The following SLC35F4 variants were observed in gnomAD, a reference collection of about 807,000 sequenced individuals.
SLC35F4 encodes chromosome 14 open reading frame 36.
In SLC35F4, 24 loss-of-function variants were observed where a neutral mutation model predicts 44.2. The observed-to-expected ratio is 0.54, with a 90% CI of 0.39 to 0.76. The LOEUF (loss-of-function observed/expected upper bound fraction) is 0.76, where lower values mean the gene tolerates loss of function less well. Ranked by LOEUF, SLC35F4 falls within the 30% of genes least tolerant of loss-of-function variation. SLC35F4 has a pLI of 0.00. For missense variants in SLC35F4, 562 were observed against 586.1 expected (o/e 0.96, Z 0.42); for synonymous variants, 238 against 223.6 (o/e 1.06, Z -0.57).
Position 57,817,804 on chromosome 14 carries a change from A to G in SLC35F4, c.103+47919T>C, listed in dbSNP as rs375517192. Among the ~76,000 whole-genome samples, 12 of 152,272 alleles carry G rather than the reference A, an allele frequency of 7.9e-5. No homozygotes were observed. The East Asian group carries it at 2.3e-3, about 29-fold the overall frequency. ...ATGGCCTACAGTGAACGAGGCAGAG[A>G]TTATGGAATTGTCTCAGCAGAGTAT... On this transcript the variant is annotated intron_variant, in intron 1 of 7. Transcript: ENST00000556826.
intron 1 of SLC35F4, among the ~76,000 whole-genome samples, chr14:57,879,543 C>G (rs972758037): frequency 1.3e-5 from 2 of 152,128 alleles, no homozygotes; most frequent in African/African-American, 2.4e-5. Flanking sequence ...CGAGCTACTC[C>G]TGGTTGTTTT....
At chr14:57,809,051 A>ATT in intron 1 of SLC35F4, among the ~76,000 whole-genome samples, 1 of 152,214 alleles carries the variant, frequency 6.6e-6, no homozygotes, top group Non-Finnish European at 1.5e-5. Flanking sequence ...TTTGGTAATG[A>ATT]TTTTTATTCC....
At chr14:57,666,860 C>T (rs1019541107) in intron 1 of SLC35F4, among the ~76,000 whole-genome samples, 15 of 152,034 alleles carry the variant, frequency 9.9e-5, no homozygotes, top group African/African-American at 3.6e-4. Context: ...GGAGCCTGGG[C>T]TGGCTAGACA....
At position 57,968,913 on chromosome 14, in the gene SLC35F4, G is replaced by A. The variant is rs115299891; in HGVS notation, n.282+13000C>T. ...AAAATCTTCTTAGACTTAGGAATCCGTTAAACTTGTCTAGGAAAATCAAGA... is the reference window on the plus strand; with the variant it reads ...AAAATCTTCTTAGACTTAGGAATCCATTAAACTTGTCTAGGAAAATCAAGA... On this transcript the variant is annotated intron_variant and non_coding_transcript_variant, in intron 1 of 1. Coordinates refer to the SLC35F4 transcript ENST00000556568. Among the ~76,000 whole-genome samples the A allele has an allele frequency of 6.3e-3, 952 of 152,254 alleles. 14 individuals carry two copies. Among genetic ancestry groups the A allele is most frequent in the African/African-American group, 0.022 (907 of 41,534 alleles).
chr14:57,592,655 C>T lies in SLC35F4; in HGVS notation c.289+1284G>A, dbSNP rs996540781. On this transcript the variant is annotated intron_variant, in intron 2 of 7. Coordinates refer to ENST00000556826, the MANE Select transcript of SLC35F4 (RefSeq NM_001306087.2). ...TGTCATTATTTTTCTAAGTTTTAGCCTTGGGGTTCACACAGTGTCTAAGAC... is the reference window on the plus strand; with the variant it reads ...TGTCATTATTTTTCTAAGTTTTAGCTTTGGGGTTCACACAGTGTCTAAGAC... Among the ~76,000 whole-genome samples, 10 of 152,198 alleles carry T rather than the reference C, an allele frequency of 6.6e-5. No homozygotes were observed. In the East Asian group the frequency reaches 1.7e-3, roughly 26 times the overall value.
chr14:57,653,988 G>A (rs1488237643), intron 1 of SLC35F4, among the ~76,000 whole-genome samples: 2 of 152,118 alleles, frequency 1.3e-5, no homozygotes, highest in Non-Finnish European at 2.9e-5. Flanking sequence ...GATTGCAGAA[G>A]CATCACCCCC....
chr14:57,913,475 C>T (rs569435465), intron 1 of SLC35F4, among the ~76,000 whole-genome samples: 1 of 151,942 alleles, frequency 6.6e-6, no homozygotes, highest in South Asian at 2.1e-4. Context: ...ATAGAGTTTG[C>T]AATATACATT....
chr14:57,959,588 G>C (rs996253466), intron 1 of SLC35F4, among the ~76,000 whole-genome samples: 1 of 152,236 alleles, frequency 6.6e-6, no homozygotes, highest in African/African-American at 2.4e-5. Context: ...GAGCTCCCTA[G>C]CCATGACAAA....
chr14:57,778,412 A>G (rs542754732), intron 1 of SLC35F4, among the ~76,000 whole-genome samples: 4 of 152,334 alleles, frequency 2.6e-5, no homozygotes, highest in Admixed American at 2.6e-4. Flanking sequence ...TAAGGGTTCA[A>G]TTCAACAAGA....
intron 1 of SLC35F4, among the ~76,000 whole-genome samples, chr14:57,780,080 C>A (rs1449484054): frequency 6.6e-6 from 1 of 152,048 alleles, no homozygotes; most frequent in Non-Finnish European, 1.5e-5. Flanking sequence ...GAAGTCTTAG[C>A]CAGAGCAATC....
upstream of SLC35F4, among the ~76,000 whole-genome samples, chr14:57,866,404 T>C (rs1456441422): frequency 6.6e-6 from 1 of 152,160 alleles, no homozygotes; most frequent in East Asian, 1.9e-4. Context: ...ACGCTTGGCG[T>C]CTACACCACC....
chr14:57,635,335 G>A (rs1472262418), intron 1 of SLC35F4, among the ~76,000 whole-genome samples: 1 of 151,856 alleles, frequency 6.6e-6, no homozygotes, highest in Non-Finnish European at 1.5e-5. Context: ...AAACAACTGC[G>A]AGAGAGAGGA....
intron 1 of SLC35F4, among the ~76,000 whole-genome samples, chr14:57,902,804 C>G (rs1274402845): frequency 6.6e-6 from 1 of 152,140 alleles, no homozygotes; most frequent in Non-Finnish European, 1.5e-5. Flanking sequence ...TGCTAATGAG[C>G]CTTCACATTT....
intron 1 of SLC35F4, among the ~76,000 whole-genome samples, chr14:57,639,111 G>A (rs1463992736): frequency 6.6e-6 from 1 of 152,060 alleles, no homozygotes; most frequent in Non-Finnish European, 1.5e-5. Flanking sequence ...AGAGGCTGAT[G>A]AACTTTGACC....
chr14:57,857,232 A>G (rs1465636261), intron 1 of SLC35F4, among the ~76,000 whole-genome samples: 1 of 151,884 alleles, frequency 6.6e-6, no homozygotes, highest in Non-Finnish European at 1.5e-5. Flanking sequence ...AGCCAAGATC[A>G]TGCCATTGCA....
chr14:57,581,430 T>C lies in SLC35F4; in HGVS notation c.591A>G (p.Glu197=). 1 of 1,607,332 alleles carries C rather than the reference T, an allele frequency of 6.2e-7. No homozygotes were observed. The highest frequency in any genetic ancestry group is 1.3e-5 in the African/African-American group (1 of 74,922). The change falls in exon 4 of 8, where the codon GAA becomes GAG. Residue 197 remains glutamate, a synonymous_variant. Coordinates refer to ENST00000556826, the MANE Select transcript of SLC35F4 (RefSeq NM_001306087.2). ...EKQSPMKKFR[E]CSRIFGEDGL... ...CATCTTCACCAAAAATCCGACTGCATTCCCTAGGAAAGAAAAGAGAAGTTA... is the reference window on the plus strand; with the variant it reads ...CATCTTCACCAAAAATCCGACTGCACTCCCTAGGAAAGAAAAGAGAAGTTA...
At chr14:57,884,334 T>A (rs1692379440) in intron 1 of SLC35F4, among the ~76,000 whole-genome samples, 1 of 152,160 alleles carries the variant, frequency 6.6e-6, no homozygotes, top group Non-Finnish European at 1.5e-5. Context: ...ACCAGCAGAG[T>A]ATATTTAGTT....
rs544212904 is a variant in SLC35F4, at chr14:57,689,256, C to T, written c.104-95132G>A. 1.8e-3 allele frequency among the ~76,000 whole-genome samples: 278 copies of T among 152,276 alleles called. 8 individuals carry two copies. Among genetic ancestry groups the T allele is most frequent in the Non-Finnish European group, 2.0e-3 (137 of 68,030 alleles). On this transcript the variant is annotated intron_variant, in intron 1 of 7. Transcript: ENST00000556826. The stretch of plus-strand genomic sequence containing the variant: ...AAGCCTCATTCCACCCTCAACTCGT[C>T]TCTGTCTTACCCCCAGGCCATTCAC...
At chr14:57,773,298 G>T (rs565513286) in intron 1 of SLC35F4, among the ~76,000 whole-genome samples, 2 of 152,268 alleles carry the variant, frequency 1.3e-5, no homozygotes, top group South Asian at 2.1e-4. Flanking sequence ...TATGTGCTAT[G>T]CAGATGTACT....
Sources: allele counts gnomAD v4.1 joint callset (sites outside exome capture counted in the v4.1 genomes callset), GRCh38; gene constraint gnomAD v4.1.1; transcripts MANE v1.5; gene names NCBI Gene and HGNC (gene_info 2026-07-23, HGNC 2026-07-21).